Variants in LARP4B observed in about 807,000 individuals in gnomAD.
LARP4B encodes La ribonucleoprotein 4B.
LARP4B carries 12 observed loss-of-function variants against 89.8 expected under a neutral mutation model. That is an observed-to-expected ratio of 0.13 (90% CI 0.09 to 0.22). The LOEUF (loss-of-function observed/expected upper bound fraction) is 0.22, where lower values mean the gene tolerates loss of function less well. Among genes scored for constraint, LARP4B ranks in the 10% least tolerant of loss-of-function variants. The pLI, the probability that LARP4B is intolerant of heterozygous loss-of-function variation, is 1.00. For missense variants in LARP4B, 757 were observed against 947.7 expected (o/e 0.80, Z 2.64); for synonymous variants, 367 against 363.3 (o/e 1.01, Z -0.12).
chr10:832,691 C>A (rs1325491130), intron 8 of LARP4B, among the ~76,000 whole-genome samples: 1 of 151,884 alleles, frequency 6.6e-6, no homozygotes, highest in Non-Finnish European at 1.5e-5. Flanking sequence ...AGGAAAAAAC[C>A]CCCTCAATCC....
the LARP4B span, among the ~76,000 whole-genome samples, chr10:944,361 C>A: frequency 6.6e-6 from 1 of 152,142 alleles, no homozygotes; most frequent in Non-Finnish European, 1.5e-5. Flanking sequence ...GGACATCATT[C>A]AACATCATCA....
chr10:813,510 AG>A (rs1831853561), intron 17 of LARP4B, among the ~76,000 whole-genome samples: 2 of 152,234 alleles, frequency 1.3e-5, no homozygotes, highest in Non-Finnish European at 2.9e-5. Context: ...GCGGAAGCCT[AG>A]GAAGAGTCCG....
chr10:868,958 G>T (rs1326752599), intron 3 of LARP4B, among the ~76,000 whole-genome samples: 1 of 152,152 alleles, frequency 6.6e-6, no homozygotes, highest in Admixed American at 6.6e-5. Flanking sequence ...ACACTGCTTC[G>T]ATAAATGTCT....
At chr10:867,641 A>C (rs1466424227) in intron 3 of LARP4B, among the ~76,000 whole-genome samples, 1 of 152,072 alleles carries the variant, frequency 6.6e-6, no homozygotes. Context: ...TGGGCAGATC[A>C]CTTGTGGTCA....
At chr10:918,153 G>C (rs1054346512) in intron 1 of LARP4B, among the ~76,000 whole-genome samples, 8 of 152,178 alleles carry the variant, frequency 5.3e-5, no homozygotes, top group Non-Finnish European at 1.0e-4. Flanking sequence ...ACATAAATCA[G>C]TGACTTGACT....
intron 3 of LARP4B, among the ~76,000 whole-genome samples, chr10:882,215 T>G (rs1835697612): frequency 6.6e-6 from 1 of 152,030 alleles, no homozygotes; most frequent in African/African-American, 2.4e-5. Flanking sequence ...ATACTTTAAA[T>G]GGGTGAGTTT....
intron 1 of LARP4B, among the ~76,000 whole-genome samples, chr10:929,098 T>C (rs901841439): frequency 1.3e-5 from 2 of 152,200 alleles, no homozygotes; most frequent in Non-Finnish European, 2.9e-5. Flanking sequence ...TTCTACAGAA[T>C]AGTACCCATG....
At chr10:973,990 G>A in the LARP4B span, among the ~76,000 whole-genome samples, 1 of 152,100 alleles carries the variant, frequency 6.6e-6, no homozygotes, top group Non-Finnish European at 1.5e-5. Context: ...TTCCCCATGT[G>A]GTCCTTTACA....
chr10:841,749 G>A lies in LARP4B; in HGVS notation c.646+1183C>T, dbSNP rs116803538. Among the ~76,000 whole-genome samples the A allele has an allele frequency of 1.4e-3, 206 of 152,278 alleles. 1 individual carries two copies. The highest frequency in any genetic ancestry group is 4.8e-3 in the African/African-American group (201 of 41,540). On this transcript the variant is annotated intron_variant, in intron 7 of 17. Transcript: ENST00000316157. ...TCTGCATGATGACACCAGGGAGCAC[G>A]GCGCCATCCTGGGAGACAGCAGTGC...
At chr10:921,406 T>C (rs1337837383) in intron 1 of LARP4B, among the ~76,000 whole-genome samples, 1 of 152,228 alleles carries the variant, frequency 6.6e-6, no homozygotes, top group Non-Finnish European at 1.5e-5. Flanking sequence ...TCTACAGTTA[T>C]TTATGTTGAG....
At chr10:950,546 A>G in the LARP4B span, among the ~76,000 whole-genome samples, 4 of 152,196 alleles carry the variant, frequency 2.6e-5, no homozygotes, top group Non-Finnish European at 4.4e-5. Flanking sequence ...ATTTGCTGGC[A>G]TTTCAATAGG....
At chr10:960,471 C>T in the LARP4B span, among the ~76,000 whole-genome samples, 1 of 151,818 alleles carries the variant, frequency 6.6e-6, no homozygotes, top group Non-Finnish European at 1.5e-5. Context: ...CTTTGGGAGG[C>T]CAAGGAGGGT....
chr10:900,958 TG>T (rs1836327004), intron 1 of LARP4B, among the ~76,000 whole-genome samples: 1 of 145,672 alleles, frequency 6.9e-6, no homozygotes, highest in African/African-American at 2.6e-5. Context: ...TTGCTCTTTT[TG>T]CCCAGGCTGG....
chr10:913,893 A>G (rs547056169), intron 1 of LARP4B, among the ~76,000 whole-genome samples: 3 of 152,318 alleles, frequency 2.0e-5, no homozygotes, highest in African/African-American at 7.2e-5. Context: ...TGGGTGACAC[A>G]GTAAGGCTGG....
intron 3 of LARP4B, among the ~76,000 whole-genome samples, chr10:876,240 C>T (rs761215368): frequency 4.6e-5 from 7 of 151,970 alleles, no homozygotes; most frequent in Non-Finnish European, 8.8e-5. Flanking sequence ...AAAAATTAGC[C>T]GGGTGTGGTG....
At chr10:894,551 G>A (rs1040489883) in intron 1 of LARP4B, among the ~76,000 whole-genome samples, 1 of 152,058 alleles carries the variant, frequency 6.6e-6, no homozygotes, top group African/African-American at 2.4e-5. Flanking sequence ...AGGTTGCCTA[G>A]GTAATAAAGA....
At chr10:906,391 G>A (rs1028427913) in intron 1 of LARP4B, among the ~76,000 whole-genome samples, 10 of 152,154 alleles carry the variant, frequency 6.6e-5, no homozygotes, top group African/African-American at 1.7e-4. Context: ...GAGTATGATC[G>A]ATGAACAAGT....
the LARP4B span, among the ~76,000 whole-genome samples, chr10:975,317 T>C: frequency 3.9e-5 from 6 of 152,170 alleles, no homozygotes; most frequent in Non-Finnish European, 7.3e-5. Context: ...GCAGCAATAG[T>C]GACATGTTGT....
the LARP4B span, among the ~76,000 whole-genome samples, chr10:943,356 A>C: frequency 3.7e-4 from 57 of 152,280 alleles, no homozygotes; most frequent in African/African-American, 1.3e-3. Context: ...TGGGATGCAC[A>C]TGGAGCCTCT....
Sources: gnomAD v4.1 joint callset for allele counts (sites outside exome capture counted in the v4.1 genomes callset) on GRCh38, gnomAD v4.1.1 for gene constraint, MANE v1.5 for transcripts, NCBI Gene and HGNC (gene_info 2026-07-23, HGNC 2026-07-21) for gene names.